Variants in RPL36A observed in about 807,000 individuals in gnomAD.
RPL36A encodes the protein ribosomal protein L36a.
For synonymous variants in RPL36A, 25 were observed against 28.5 expected, an observed-to-expected ratio of 0.88 and a Z score of 0.39; for missense variants, 20 against 81.0, an observed-to-expected ratio of 0.25 and a Z score of 2.89.
At chrX:101,392,216 C>T in intron 3 of RPL36A, 1 of 953,432 alleles carries the variant, frequency 1.0e-6, no homozygotes, top group East Asian at 7.2e-5. Context: ...AATCTGCAGT[C>T]AACTACCTGT....
chrX:101,395,675 G>A, intron 4 of RPL36A, 53 bp from the exon 5 acceptor site: 2 of 1,180,691 alleles, frequency 1.7e-6, no homozygotes, highest in Non-Finnish European at 2.3e-6. Flanking sequence ...TGTTCTTAAT[G>A]GGGCAGTAGT....
At chrX:101,391,321 G>A in intron 1 of RPL36A, 138 bp from the exon 2 acceptor site, 1 of 781,821 alleles carries the variant, frequency 1.3e-6, no homozygotes, top group Non-Finnish European at 1.9e-6. Flanking sequence ...GAAGCACATG[G>A]GGCTGGCCCA....
At chrX:101,391,174 C>T in intron 1 of RPL36A, 128 bp downstream of exon 1, 4 of 800,214 alleles carry the variant, frequency 5.0e-6, no homozygotes, top group Non-Finnish European at 5.6e-6. Context: ...CCAATCTTGC[C>T]GGGATCAACC....
intron 3 of RPL36A, chrX:101,393,229 C>T (rs929618003): frequency 9.1e-6 from 1 of 110,122 alleles, no homozygotes; most frequent in Non-Finnish European, 1.9e-5. Context: ...AACTGGAGAT[C>T]GTTATGTTAA....
At chrX:101,393,684 A>G (rs1555983834) in intron 3 of RPL36A, 1 of 111,695 alleles carries the variant, frequency 9.0e-6, no homozygotes, top group Non-Finnish European at 1.9e-5. Context: ...GAGAAAAATA[A>G]CAAATCCCAA....
intron 3 of RPL36A, chrX:101,392,298 C>T: frequency 1.1e-6 from 1 of 869,836 alleles, no homozygotes; most frequent in Non-Finnish European, 1.4e-6. Context: ...ATTCTGTATT[C>T]TCAGGCTGAG....
chrX:101,391,365 C>A, intron 1 of RPL36A, 94 bp from the exon 2 acceptor site: 3 of 1,041,622 alleles, frequency 2.9e-6, no homozygotes, highest in Non-Finnish European at 4.0e-6. Flanking sequence ...AATGAGGAGT[C>A]CTCCTGGAGT....
intron 3 of RPL36A, chrX:101,392,143 AAT>A: frequency 9.4e-7 from 1 of 1,061,396 alleles, no homozygotes; most frequent in Non-Finnish European, 1.2e-6. Context: ...CTTATCTGTC[AAT>A]ATGTCTGAAT....
At chrX:101,393,155 T>C in intron 3 of RPL36A, 1 of 103,564 alleles carries the variant, frequency 9.7e-6, no homozygotes, top group Non-Finnish European at 2.0e-5. Context: ...AATGCACCTA[T>C]ACACAGTGGT....
At chrX:101,392,318 G>C (rs1050630940) in intron 3 of RPL36A, 2 of 863,481 alleles carry the variant, frequency 2.3e-6, no homozygotes, top group Non-Finnish European at 1.4e-6. Flanking sequence ...GCGAGTTTCT[G>C]TTTACTCTCA....
intron 3 of RPL36A, chrX:101,393,439 G>A (rs188167842): frequency 4.5e-4 from 50 of 112,099 alleles, no homozygotes; most frequent in East Asian, 1.4e-3. Context: ...GCACGACAGC[G>A]TGACTAAAGT....
intron 1 of RPL36A, 51 bp downstream of exon 1, chrX:101,391,097 C>A (rs377655880): frequency 1.4e-5 from 16 of 1,161,541 alleles, no homozygotes; most frequent in South Asian, 1.1e-4. Flanking sequence ...TCTTTCCCCC[C>A]CTTCGTCGCC....
chrX:101,391,052 A>T lies in RPL36A; in HGVS notation c.3+6A>T, dbSNP rs1482868676. 1 of 1,208,655 alleles carries T rather than the reference A, an allele frequency of 8.3e-7. No homozygotes were observed. Among genetic ancestry groups the T allele is most frequent in the South Asian group, 1.8e-5 (1 of 56,952 alleles). On this transcript the variant is annotated splice_donor_region_variant and intron_variant, in intron 1 of 4. Transcript: ENST00000553110. ...ATAGCGCTCACGCAAGCATGGTAGG[A>T]CTTGCTGGTGGGGGCCGAGTAACAT...
At position 101,394,788 on chromosome X, in the gene RPL36A, A is replaced by ATTT. The variant is rs1247157041; in HGVS notation, c.178-546_178-545insTTT. Among the ~76,000 whole-genome samples the ATTT allele has an allele frequency of 2.6e-3, 189 of 71,703 alleles. 2 individuals carry two copies. The highest frequency in any genetic ancestry group is 3.6e-3 in the Non-Finnish European group (158 of 44,321). 62.3% of individuals were successfully genotyped at this position (71,703 alleles called of 115,157 possible). Reference sequence around the variant, plus strand: ...ATTTATATATATAATATATATATATATATTTTTTTTTTTTTTTTGAGATGG... The same window carrying ATTT: ...ATTTATATATATAATATATATATATATTTTATTTTTTTTTTTTTTTTGAGATGG... On this transcript the variant is annotated intron_variant, in intron 3 of 4. Transcript: ENST00000553110.
intron 3 of RPL36A, 120 bp downstream of exon 3, chrX:101,391,942 C>T: frequency 8.4e-7 from 1 of 1,186,003 alleles, no homozygotes; most frequent in Non-Finnish European, 1.1e-6. Context: ...TTTCACTGCA[C>T]TGATATATCT....
chrX:101,391,661 C>A (rs999684471), intron 2 of RPL36A, 94 bp from the exon 3 acceptor site: 2 of 1,193,912 alleles, frequency 1.7e-6, no homozygotes, highest in Non-Finnish European at 2.3e-6. Flanking sequence ...CTGGCTTGAG[C>A]GTTAATATTT....
intron 1 of RPL36A, 22 bp downstream of exon 1, chrX:101,391,068 C>T (rs1206769569): frequency 7.5e-6 from 9 of 1,196,118 alleles, no homozygotes; most frequent in African/African-American, 3.5e-5. Flanking sequence ...TGGTGGGGGC[C>T]GAGTAACATC....
chrX:101,395,469 T>C lies in RPL36A; in HGVS notation c.300+12T>C, dbSNP rs782662962. 1.4e-5 allele frequency: 17 copies of C among 1,200,754 alleles called. No individual in the cohort carries two copies. The South Asian group carries it at 2.2e-4, about 15-fold the overall frequency. Reference sequence around the variant, plus strand: ...ATAAGAAGAGAAAGGTATATAATTATGGGTGGAAGGTGCAATCTTTTTCAT... The same window carrying C: ...ATAAGAAGAGAAAGGTATATAATTACGGGTGGAAGGTGCAATCTTTTTCAT... On this transcript the variant is annotated intron_variant, in intron 4 of 4. Transcript: ENST00000553110.
At chrX:101,392,230 C>A in intron 3 of RPL36A, 1 of 933,652 alleles carries the variant, frequency 1.1e-6, no homozygotes, top group Non-Finnish European at 1.4e-6. Context: ...TACCTGTTCT[C>A]GTGAAGTCTT....
Sources: allele counts gnomAD v4.1 joint callset (sites outside exome capture counted in the v4.1 genomes callset), GRCh38; gene constraint gnomAD v4.1.1; transcripts MANE v1.5; gene names NCBI Gene and HGNC (gene_info 2026-07-23, HGNC 2026-07-21).